CSMD1: variants seen among roughly 807,000 people sequenced by gnomAD.
The protein encoded by CSMD1 is CUB and Sushi multiple domains 1.
In CSMD1, 213 loss-of-function variants were observed where a neutral mutation model predicts 417.5. The observed-to-expected ratio is 0.51, with a 90% CI of 0.46 to 0.57. The LOEUF (loss-of-function observed/expected upper bound fraction) is 0.57. CSMD1 is among the 20% of genes least tolerant of loss of function. The pLI is 0.00. For missense variants in CSMD1, 6,923 were observed against 4,529.7 expected, an observed-to-expected ratio of 1.53 and a Z score of -15.17; for synonymous variants, 2,862 against 1,736.8, an observed-to-expected ratio of 1.65 and a Z score of -16.11.
At chr8:3,565,734 C>T (rs1402104336) in intron 10 of CSMD1, among the ~76,000 whole-genome samples, 1 of 152,150 alleles carries the variant, frequency 6.6e-6, no homozygotes, top group East Asian at 1.9e-4. Context: ...TATTTACTAG[C>T]AGTTGTTCAT....
intron 26 of CSMD1, among the ~76,000 whole-genome samples, chr8:3,234,290 G>T (rs143225719): frequency 6.6e-6 from 1 of 152,130 alleles, no homozygotes; most frequent in Non-Finnish European, 1.5e-5. Flanking sequence ...ATTTTATCCA[G>T]CACTTTTACT....
intron 12 of CSMD1, among the ~76,000 whole-genome samples, chr8:3,415,282 C>T (rs183887695): frequency 2.4e-4 from 37 of 152,252 alleles, no homozygotes; most frequent in Admixed American, 1.5e-3. Flanking sequence ...ATACTCTTAG[C>T]AATTTTCAAG....
intron 5 of CSMD1, among the ~76,000 whole-genome samples, chr8:3,973,641 G>C (rs543363938): frequency 6.6e-6 from 1 of 152,120 alleles, no homozygotes. Context: ...ATTGTCATCT[G>C]TTTACTCCCT....
chr8:4,762,895 C>G (rs1001164798), intron 1 of CSMD1, among the ~76,000 whole-genome samples: 6 of 152,168 alleles, frequency 3.9e-5, no homozygotes, highest in Non-Finnish European at 7.3e-5. Context: ...TTTATACACC[C>G]TGCCATAGCA....
intron 1 of CSMD1, chr8:4,788,715 G>A: frequency 2.0e-6 from 1 of 497,040 alleles, no homozygotes; most frequent in Non-Finnish European, 3.6e-6. Context: ...GTGAATCAAT[G>A]CTTCTCTAGA....
chr8:4,987,347 C>T lies in CSMD1; in HGVS notation c.85+6985G>A, dbSNP rs147056180. Among the ~76,000 whole-genome samples the T allele has an allele frequency of 9.9e-4, 151 of 152,204 alleles. 2 individuals are homozygous for T. The East Asian group carries it at 0.027, about 28-fold the overall frequency. On this transcript the variant is annotated intron_variant, in intron 1 of 69. Coordinates refer to ENST00000635120, the MANE Select transcript of CSMD1 (RefSeq NM_033225.6). Reference sequence around the variant, plus strand: ...CTGACTTTGACAGCTATAATGATAACGGTGACAGGCGTGTTCAGTACAGAA... The same window carrying T: ...CTGACTTTGACAGCTATAATGATAATGGTGACAGGCGTGTTCAGTACAGAA...
intron 5 of CSMD1, among the ~76,000 whole-genome samples, chr8:3,878,948 T>A (rs191730844): frequency 6.3e-4 from 96 of 152,304 alleles, no homozygotes; most frequent in African/African-American, 2.3e-3. Flanking sequence ...CTTTAATATA[T>A]GACTAAGTTT....
intron 3 of CSMD1, among the ~76,000 whole-genome samples, chr8:4,133,316 G>C (rs541287248): frequency 7.2e-5 from 11 of 152,246 alleles, no homozygotes; most frequent in Non-Finnish European, 1.0e-4. Flanking sequence ...ACTGGAATGA[G>C]GACAAATAAT....
At chr8:4,343,820 C>T (rs895640864) in intron 3 of CSMD1, among the ~76,000 whole-genome samples, 8 of 152,224 alleles carry the variant, frequency 5.3e-5, no homozygotes, top group Admixed American at 3.9e-4. Flanking sequence ...TCTGATGAGA[C>T]ACTACCACTT....
chr8:4,994,398 A>G lies in CSMD1; in HGVS notation c.19T>C (p.Phe7Leu), dbSNP rs1297205190. Residue 7 changes from phenylalanine (F) to leucine (L), a missense_variant, in exon 1 of 70, where the codon TTC becomes CTC. Coordinates refer to ENST00000635120, the MANE Select transcript of CSMD1 (RefSeq NM_033225.6). ...CCGAGAAGCAGGAGCAGCGACTGGA[A>G]TCTCCTCCACGCAGTCATGTCTGCA... is the stretch of plus-strand genomic sequence containing the variant. The part of the protein sequence containing the change: MTAWRR[F>L]QSLLLLLGLL... The G allele has an allele frequency of 6.8e-6, 11 of 1,612,186 alleles. No homozygotes were observed. The highest frequency in any genetic ancestry group is 9.3e-6 in the Non-Finnish European group (11 of 1,179,822).
At chr8:4,809,957 C>G (rs967665661) in intron 1 of CSMD1, among the ~76,000 whole-genome samples, 3 of 152,176 alleles carry the variant, frequency 2.0e-5, no homozygotes, top group African/African-American at 7.2e-5. Context: ...CCTGTTTCTT[C>G]TCCTGCAAAC....
chr8:4,355,932 G>GT (rs1159239069), intron 3 of CSMD1, among the ~76,000 whole-genome samples: 4 of 151,928 alleles, frequency 2.6e-5, no homozygotes, highest in African/African-American at 9.7e-5. Flanking sequence ...TTTTTGTTTT[G>GT]TTTTGTTTGT....
At chr8:3,999,014 T>C (rs1418357473) in intron 4 of CSMD1, among the ~76,000 whole-genome samples, 1 of 149,194 alleles carries the variant, frequency 6.7e-6, no homozygotes, top group South Asian at 2.1e-4. Flanking sequence ...AAATAACATA[T>C]AAACTATATG....
chr8:4,047,964 T>C (rs1414963540), intron 3 of CSMD1, among the ~76,000 whole-genome samples: 1 of 152,212 alleles, frequency 6.6e-6, no homozygotes, highest in African/African-American at 2.4e-5. Flanking sequence ...GTTGAGTCCT[T>C]AGGCCTTGTT....
chr8:3,153,457 G>A (rs1267125840), intron 39 of CSMD1, among the ~76,000 whole-genome samples: 1 of 152,118 alleles, frequency 6.6e-6, no homozygotes, highest in African/African-American at 2.4e-5. Flanking sequence ...CAAGATCCAA[G>A]AACCCTCTCC....
chr8:4,137,813 C>T (rs1803524378), intron 3 of CSMD1, among the ~76,000 whole-genome samples: 1 of 77,356 alleles, frequency 1.3e-5, no homozygotes, highest in South Asian at 4.5e-4. Flanking sequence ...TTTCCCCTTA[C>T]ATTATGTCAG....
chr8:4,925,062 G>C (rs1207900126), intron 1 of CSMD1, among the ~76,000 whole-genome samples: 1 of 152,064 alleles, frequency 6.6e-6, no homozygotes, highest in African/African-American at 2.4e-5. Context: ...TAAATAGTTT[G>C]GGTTGTTATC....
At chr8:4,731,233 T>A (rs1809844349) in intron 1 of CSMD1, among the ~76,000 whole-genome samples, 1 of 152,138 alleles carries the variant, frequency 6.6e-6, no homozygotes, top group Non-Finnish European at 1.5e-5. Flanking sequence ...CCACTCAGCC[T>A]CCACACAAGA....
At chr8:4,235,654 C>G (rs141150136) in intron 3 of CSMD1, among the ~76,000 whole-genome samples, 1 of 152,120 alleles carries the variant, frequency 6.6e-6, no homozygotes, top group African/African-American at 2.4e-5. Context: ...TGCATCGACC[C>G]TTTTAAAATG....
Sources: gnomAD v4.1 joint callset for allele counts (sites outside exome capture counted in the v4.1 genomes callset) on GRCh38, gnomAD v4.1.1 for gene constraint, MANE v1.5 for transcripts, NCBI Gene and HGNC (gene_info 2026-07-23, HGNC 2026-07-21) for gene names.